HIF1A: variants seen among roughly 807,000 people sequenced by gnomAD.
HIF1A encodes the protein hypoxia-inducible factor 1-alpha.
Under a neutral mutation model 92.7 loss-of-function variants are expected in HIF1A, and 24 were observed. The observed-to-expected ratio is 0.26, with a 90% CI of 0.19 to 0.36. The LOEUF (loss-of-function observed/expected upper bound fraction) is 0.36, where lower values mean the gene tolerates loss of function less well. Ranked by LOEUF, HIF1A falls within the 10% of genes least tolerant of loss-of-function variation. The probability of loss-of-function intolerance (pLI) is 1.00; values close to 1 mark genes in which losing one functional copy is unlikely to be tolerated. For synonymous variants in HIF1A, 319 were observed against 338.7 expected (o/e 0.94, Z 0.64); for missense variants, 799 against 998.5 (o/e 0.80, Z 2.69).
intron 8 of HIF1A, among the ~76,000 whole-genome samples, chr14:61,735,805 T>G (rs1415384237): frequency 6.6e-6 from 1 of 152,170 alleles, no homozygotes; most frequent in African/African-American, 2.4e-5. Flanking sequence ...TAATCATTTA[T>G]CTGTGTATCT....
intron 1 of HIF1A, among the ~76,000 whole-genome samples, chr14:61,709,800 T>C (rs2044285780): frequency 6.6e-6 from 1 of 152,222 alleles, no homozygotes; most frequent in Non-Finnish European, 1.5e-5. Flanking sequence ...TTATATTGCC[T>C]GTTCAGTCTA....
intron 9 of HIF1A, among the ~76,000 whole-genome samples, chr14:61,737,685 T>A (rs1339667286): frequency 1.3e-5 from 2 of 152,254 alleles, no homozygotes; most frequent in African/African-American, 4.8e-5. Context: ...TGTTGTTTGA[T>A]GAATTAGACA....
intron 2 of HIF1A, among the ~76,000 whole-genome samples, chr14:61,720,892 C>T (rs1364137956): frequency 2.6e-5 from 4 of 152,150 alleles, no homozygotes; most frequent in African/African-American, 7.2e-5. Flanking sequence ...GAATAAGATA[C>T]TGGCTTTTCC....
chr14:61,709,617 AATG>A (rs1483889036), intron 1 of HIF1A, among the ~76,000 whole-genome samples: 1 of 152,200 alleles, frequency 6.6e-6, no homozygotes, highest in Non-Finnish European at 1.5e-5. Flanking sequence ...TTTAGATAAT[AATG>A]ATCTAAACCA....
At chr14:61,719,141 T>C (rs1162952902) in intron 1 of HIF1A, among the ~76,000 whole-genome samples, 3 of 152,200 alleles carry the variant, frequency 2.0e-5, no homozygotes, top group Non-Finnish European at 4.4e-5. Flanking sequence ...AATTCGGTAC[T>C]TCATTCACAG....
chr14:61,744,365 A>G (rs2140160563), intron 12 of HIF1A, among the ~76,000 whole-genome samples: 1 of 152,204 alleles, frequency 6.6e-6, no homozygotes, highest in South Asian at 2.1e-4. Context: ...TCTCTACAAA[A>G]ATATGTATAT....
At chr14:61,724,216 G>A (rs1400790211) in intron 4 of HIF1A, among the ~76,000 whole-genome samples, 1 of 151,226 alleles carries the variant, frequency 6.6e-6, no homozygotes, top group Non-Finnish European at 1.5e-5. Flanking sequence ...CAAAGGCCTT[G>A]GGTTCCTTTC....
chr14:61,728,661 CT>C, intron 6 of HIF1A, among the ~76,000 whole-genome samples: 1 of 152,306 alleles, frequency 6.6e-6, no homozygotes, highest in South Asian at 2.1e-4. Flanking sequence ...GATTTACTAT[CT>C]ACATATATCT....
intron 1 of HIF1A, among the ~76,000 whole-genome samples, chr14:61,705,832 C>G (rs1291992219): frequency 6.6e-6 from 1 of 152,138 alleles, no homozygotes; most frequent in African/African-American, 2.4e-5. Context: ...GAGACTCTTG[C>G]TTTAGGAGAG....
At chr14:61,729,477 AAC>A (rs1459882080) in intron 6 of HIF1A, among the ~76,000 whole-genome samples, 4 of 151,494 alleles carry the variant, frequency 2.6e-5, no homozygotes, top group Admixed American at 6.6e-5. Context: ...ACAAAAACAA[AAC>A]AAAAAAAAGA....
intron 1 of HIF1A, among the ~76,000 whole-genome samples, chr14:61,706,517 G>A (rs1320181716): frequency 6.6e-6 from 1 of 152,170 alleles, no homozygotes; most frequent in African/African-American, 2.4e-5. Context: ...TCAGTGTTTT[G>A]CCTGACAAAC....
At chr14:61,738,029 GT>G in intron 9 of HIF1A, 57 bp from the exon 10 acceptor site, 1 of 1,280,840 alleles carries the variant, frequency 7.8e-7, no homozygotes, top group South Asian at 1.5e-5. Context: ...TCTGTCTTGG[GT>G]AAAAAAAAAA....
Position 61,746,989 on chromosome 14 carries a change from G to A in HIF1A, c.2385G>A (p.Leu795=), listed in dbSNP as rs1400361157. 1.2e-6 allele frequency: 2 copies of A among 1,613,748 alleles called. No homozygotes were observed. ...TGGATGAAAGTGGATTACCACAGCT[G>A]ACCAGTTATGATTGTGAAGTTAATG... ...QSMDESGLPQ[L]TSYDCEVNAP... is the part of the protein sequence containing the mutation. Residue 795 remains leucine, a synonymous_variant, in exon 15 of 15, where the codon CTG becomes CTA. Transcript: ENST00000337138.
chr14:61,702,489 T>G (rs1210454740), intron 1 of HIF1A, among the ~76,000 whole-genome samples: 1 of 86,504 alleles, frequency 1.2e-5, no homozygotes, highest in Non-Finnish European at 3.4e-5. Context: ...TTTAGTTCCC[T>G]GTCTGAGATT....
intron 1 of HIF1A, 100 bp downstream of exon 1, chr14:61,695,939 G>C (rs1285481431): frequency 2.7e-6 from 3 of 1,118,760 alleles, no homozygotes. Flanking sequence ...TGGGATTGGG[G>C]GGGGCAGCCT....
chr14:61,701,014 T>TA (rs750808280), intron 1 of HIF1A, among the ~76,000 whole-genome samples: 8 of 152,246 alleles, frequency 5.3e-5, no homozygotes, highest in Non-Finnish European at 7.3e-5. Context: ...TTAGATTTGT[T>TA]ATGCCAGTAC....
At chr14:61,737,656 G>A (rs2044653917) in intron 9 of HIF1A, among the ~76,000 whole-genome samples, 1 of 152,180 alleles carries the variant, frequency 6.6e-6, no homozygotes, top group Non-Finnish European at 1.5e-5. Context: ...TTCTGATGAA[G>A]GAAAATTTGG....
At chr14:61,736,027 C>G (rs1277670673) in intron 8 of HIF1A, among the ~76,000 whole-genome samples, 1 of 149,178 alleles carries the variant, frequency 6.7e-6, no homozygotes, top group African/African-American at 2.5e-5. Flanking sequence ...TCACTGTCAC[C>G]CAGGCTGGAG....
At chr14:61,746,246 T>G (rs1594891226) in intron 14 of HIF1A, among the ~76,000 whole-genome samples, 1 of 139,478 alleles carries the variant, frequency 7.2e-6, no homozygotes, top group South Asian at 2.4e-4. Context: ...AAAAAAAAAG[T>G]ACAGTTGTAT....
Sources: gnomAD v4.1 joint callset for allele counts (sites outside exome capture counted in the v4.1 genomes callset) on GRCh38, gnomAD v4.1.1 for gene constraint, MANE v1.5 for transcripts, NCBI Gene and HGNC (gene_info 2026-07-23, HGNC 2026-07-21) for gene names.